The following PIK3C2A variants were observed in gnomAD, a reference collection of about 807,000 sequenced individuals.
PIK3C2A encodes phosphatidylinositol-4-phosphate 3-kinase catalytic subunit type 2 alpha.
Under a neutral mutation model 204.5 loss-of-function variants are expected in PIK3C2A, and 97 were observed. That is an observed-to-expected ratio of 0.47 (90% CI 0.40 to 0.56). PIK3C2A has a LOEUF of 0.56. PIK3C2A is among the 20% of genes least tolerant of loss of function. PIK3C2A has a pLI of 0.00. For synonymous variants in PIK3C2A, 653 were observed against 664.4 expected, an observed-to-expected ratio of 0.98 and a Z score of 0.26; for missense variants, 1,735 against 1,969.2, an observed-to-expected ratio of 0.88 and a Z score of 2.25.
At chr11:17,127,035 ATT>A (rs1849549665) in intron 13 of PIK3C2A, among the ~76,000 whole-genome samples, 1 of 152,164 alleles carries the variant, frequency 6.6e-6, no homozygotes, top group Non-Finnish European at 1.5e-5. Flanking sequence ...TCTGACACTA[ATT>A]TATCAAAGAC....
At chr11:17,176,642 T>C (rs1851350383) in intron 1 of PIK3C2A, among the ~76,000 whole-genome samples, 1 of 151,860 alleles carries the variant, frequency 6.6e-6, no homozygotes, top group Non-Finnish European at 1.5e-5. Context: ...AAGAGTTATT[T>C]GGATGTGTTG....
chr11:17,129,308 G>T lies in PIK3C2A; in HGVS notation c.2391C>A (p.Asp797Glu), dbSNP rs1465289214. ...AATTCGGTAATACTTACCGTTTAAAGTCAAAAAGAGGTAAAGAAACTTTGC... is the reference window on the plus strand; with the variant it reads ...AATTCGGTAATACTTACCGTTTAAATTCAAAAAGAGGTAAAGAAACTTTGC... ...ALGKVSLPLFDFKRFLTCGTK... is the reference protein window; with the variant it reads ...ALGKVSLPLFEFKRFLTCGTK... The change falls in exon 13 of 33, where the codon GAC becomes GAA. Residue 797 changes from aspartate (D) to glutamate (E), a missense_variant. Asp to Glu is a conservative substitution (Grantham distance 45). Transcript: ENST00000691414. 1 of 1,613,144 alleles carries T rather than the reference G, an allele frequency of 6.2e-7. No homozygotes were observed. Among genetic ancestry groups the T allele is most frequent in the African/African-American group, 1.3e-5 (1 of 74,848 alleles).
intron 16 of PIK3C2A, 25 bp downstream of exon 16, chr11:17,119,761 G>C (rs746661941): frequency 2.8e-6 from 4 of 1,422,270 alleles, no homozygotes. Flanking sequence ...AATAAAACAA[G>C]AGCAAATAAA....
chr11:17,164,365 A>C (rs987486927), intron 2 of PIK3C2A, among the ~76,000 whole-genome samples: 1 of 151,938 alleles, frequency 6.6e-6, no homozygotes, highest in Non-Finnish European at 1.5e-5. Flanking sequence ...AAAAAAAAAA[A>C]AAAAAAGACA....
intron 1 of PIK3C2A, among the ~76,000 whole-genome samples, chr11:17,183,647 C>T (rs1000018543): frequency 1.9e-4 from 29 of 152,050 alleles, no homozygotes; most frequent in Admixed American, 1.9e-3. Context: ...TGCCACTGCA[C>T]TCCAGCCTGG....
chr11:17,112,699 T>C, intron 20 of PIK3C2A, 33 bp from the exon 21 acceptor site: 1 of 1,125,276 alleles, frequency 8.9e-7, no homozygotes. Flanking sequence ...ATTAGAAAGA[T>C]AAATGAAAAT....
chr11:17,141,906 T>C lies in PIK3C2A; in HGVS notation c.1704+3762A>G, dbSNP rs368174231. Among the ~76,000 whole-genome samples the C allele has an allele frequency of 9.2e-5, 14 of 152,332 alleles. No homozygotes were observed. The East Asian group carries it at 2.1e-3, about 23-fold the overall frequency. Reference sequence around the variant, plus strand: ...TGAATGTGAAATGTATAAGATCTTTTTCTTGAGACATCAAGGATGACTCCA... The same window carrying C: ...TGAATGTGAAATGTATAAGATCTTTCTCTTGAGACATCAAGGATGACTCCA... On this transcript the variant is annotated intron_variant, in intron 8 of 32. Transcript: ENST00000691414.
rs900726895 is a variant in PIK3C2A at position 17,199,680 on chromosome 11, C to A, written c.-66+8168G>T. On this transcript the variant is annotated intron_variant, in intron 1 of 32. Coordinates refer to ENST00000691414, the MANE Select transcript of PIK3C2A (RefSeq NM_002645.4). ...AGTAGAGGCTGGGCACAGGGGCTCA[C>A]GCCTGTAATCCCAACACTTTGGGAG... Among the ~76,000 whole-genome samples the A allele has an allele frequency of 5.3e-5, 8 of 152,298 alleles. 1 individual carries two copies. In the South Asian group the frequency reaches 1.7e-3, roughly 32 times the overall value.
intron 1 of PIK3C2A, among the ~76,000 whole-genome samples, chr11:17,196,206 ACT>A (rs1214186005): frequency 2.0e-5 from 3 of 152,154 alleles, no homozygotes; most frequent in Non-Finnish European, 4.4e-5. Flanking sequence ...ATCAATAAAA[ACT>A]TTTTTAATTA....
At chr11:17,182,298 C>G (rs1234303227) in intron 1 of PIK3C2A, among the ~76,000 whole-genome samples, 1 of 152,048 alleles carries the variant, frequency 6.6e-6, no homozygotes, top group Non-Finnish European at 1.5e-5. Flanking sequence ...GAATAATCTA[C>G]TCTTGGCTGG....
Position 17,140,409 on chromosome 11 carries a change from G to T in PIK3C2A, c.1705-3784C>A, listed in dbSNP as rs141730393. On this transcript the variant is annotated intron_variant, in intron 8 of 32. Coordinates refer to ENST00000691414, the MANE Select transcript of PIK3C2A (RefSeq NM_002645.4). Reference sequence around the variant, plus strand: ...GATAACCAAAAATTATAAAGTTTAAGTCCAAATGCTAATCATTTGGCAAAT... The same window carrying T: ...GATAACCAAAAATTATAAAGTTTAATTCCAAATGCTAATCATTTGGCAAAT... Among the ~76,000 whole-genome samples the T allele has an allele frequency of 5.8e-3, 885 of 152,236 alleles. 6 individuals carry two copies. The highest frequency in any genetic ancestry group is 0.02 in the African/African-American group (828 of 41,538).
At chr11:17,162,449 T>C (rs975782552) in intron 2 of PIK3C2A, among the ~76,000 whole-genome samples, 1 of 152,204 alleles carries the variant, frequency 6.6e-6, no homozygotes, top group Non-Finnish European at 1.5e-5. Context: ...AACTGTTAAA[T>C]TTAGCCTAAA....
Position 17,145,904 on chromosome 11 carries a change from G to C in PIK3C2A, c.1599C>G (p.His533Gln). Residue 533 changes from histidine to glutamine, a missense_variant, in exon 7 of 33, where the codon CAC becomes CAG. Transcript: ENST00000691414. ...DDETPVDLNKHLYQIEKPCKE... is the reference protein window; with the variant it reads ...DDETPVDLNKQLYQIEKPCKE... Reference sequence around the variant, plus strand: ...TGCAAGGTTTTTCTATTTGATACAGGTGTTTGTTTAAATCCACGGGTGTTT... The same window carrying C: ...TGCAAGGTTTTTCTATTTGATACAGCTGTTTGTTTAAATCCACGGGTGTTT... 6.2e-7 allele frequency: 1 copy of C among 1,613,492 alleles called. No individual in the cohort carries two copies. The highest frequency in any genetic ancestry group is 8.5e-7 in the Non-Finnish European group (1 of 1,179,838).
intron 3 of PIK3C2A, among the ~76,000 whole-genome samples, chr11:17,151,140 A>G (rs1361781691): frequency 6.6e-6 from 1 of 152,214 alleles, no homozygotes; most frequent in Non-Finnish European, 1.5e-5. Context: ...TGAACAAAAT[A>G]TAGACAATGG....
intron 13 of PIK3C2A, among the ~76,000 whole-genome samples, chr11:17,123,168 G>A (rs1849415994): frequency 6.6e-6 from 1 of 152,188 alleles, no homozygotes; most frequent in Admixed American, 6.5e-5. Flanking sequence ...ATATCTCAAG[G>A]TGGTGGTTTG....
At chr11:17,168,183 C>T (rs1182464874) in intron 2 of PIK3C2A, among the ~76,000 whole-genome samples, 2 of 152,122 alleles carry the variant, frequency 1.3e-5, no homozygotes, top group East Asian at 1.9e-4. Context: ...AGCAATTTTT[C>T]AATTGGCCTA....
intron 8 of PIK3C2A, among the ~76,000 whole-genome samples, chr11:17,142,116 T>C (rs983143559): frequency 2.6e-5 from 4 of 152,186 alleles, no homozygotes; most frequent in Non-Finnish European, 5.9e-5. Flanking sequence ...GAAAGGTCGA[T>C]GGATGAATAG....
chr11:17,129,165 CT>C (rs1849616291), intron 13 of PIK3C2A, 134 bp downstream of exon 13: 1 of 663,552 alleles, frequency 1.5e-6, no homozygotes. Context: ...AACTGACCTC[CT>C]TTTATCACAT....
At chr11:17,160,172 C>T (rs1326894162) in intron 2 of PIK3C2A, among the ~76,000 whole-genome samples, 2 of 152,164 alleles carry the variant, frequency 1.3e-5, no homozygotes, top group South Asian at 2.1e-4. Context: ...CACATTACTA[C>T]AAGGGTCTAG....
Sources: allele counts gnomAD v4.1 joint callset (sites outside exome capture counted in the v4.1 genomes callset), GRCh38; gene constraint gnomAD v4.1.1; transcripts MANE v1.5; gene names NCBI Gene and HGNC (gene_info 2026-07-23, HGNC 2026-07-21).